SLC25A46: variants seen among roughly 807,000 people sequenced by gnomAD.
SLC25A46 encodes the protein mitochondrial outer membrane protein SLC25A46.
Under a neutral mutation model 44.6 loss-of-function variants are expected in SLC25A46, and 39 were observed. The observed-to-expected ratio is 0.87, with a 90% CI of 0.68 to 1.14. SLC25A46 has a LOEUF of 1.14. Ranked by LOEUF, SLC25A46 falls within the 50% of genes most tolerant of loss-of-function variation. The pLI is 0.00. For missense variants in SLC25A46, 547 were observed against 522.7 expected, an observed-to-expected ratio of 1.05 and a Z score of -0.45; for synonymous variants, 202 against 185.8, an observed-to-expected ratio of 1.09 and a Z score of -0.71.
At chr5:110,754,254 T>A (rs1800046277) in intron 5 of SLC25A46, 1 of 151,580 alleles carries the variant, frequency 6.6e-6, no homozygotes, top group Non-Finnish European at 1.5e-5. Flanking sequence ...TGAGTACCCA[T>A]TCCATCAGAG....
rs1411625237 is a variant in SLC25A46, at chr5:110,761,236, G to A, written c.711G>A (p.Leu237=). ...SEIIRDNTGI[L]ECVKEGIGRV... ...TAATTCGAGATAATACTGGCATTTT[G>A]GAGTGTGTTAAAGAAGGAATTGGAA... Residue 237 remains leucine (L), a synonymous_variant, in exon 8 of 8, where the codon TTG becomes TTA. Transcript: ENST00000355943. The surrounding 1 kb of genome is among the most constrained non-coding windows in gnomAD (Gnocchi z 5.3). 3.7e-6 allele frequency: 6 copies of A among 1,608,482 alleles called. No individual in the cohort carries two copies. Among genetic ancestry groups the A allele is most frequent in the Non-Finnish European group, 4.2e-6 (5 of 1,178,246 alleles).
intron 5 of SLC25A46, among the ~76,000 whole-genome samples, chr5:110,750,208 A>G (rs1799929529): frequency 6.6e-6 from 1 of 151,726 alleles, no homozygotes; most frequent in Non-Finnish European, 1.5e-5. Context: ...AAACAAAACA[A>G]AGATTAGAAA....
At chr5:110,759,514 A>G (rs1461549807) in intron 7 of SLC25A46, among the ~76,000 whole-genome samples, 1 of 152,172 alleles carries the variant, frequency 6.6e-6, no homozygotes, top group African/African-American at 2.4e-5. Context: ...AGCAGGTGCA[A>G]AAACTCTCAA....
Position 110,763,472 on chromosome 5 carries a change from C to T in SLC25A46, c.*1690C>T, listed in dbSNP as rs1031919015. The T allele has an allele frequency of 9.9e-5, 15 of 151,882 alleles. No homozygotes were observed. The highest frequency in any genetic ancestry group is 3.3e-4 in the Admixed American group (5 of 15,202). 9.4% of individuals were successfully genotyped at this position (151,882 alleles called of 1,614,324 possible). On this transcript the variant is annotated 3_prime_UTR_variant, in exon 8 of 8. Coordinates refer to ENST00000355943, the MANE Select transcript of SLC25A46 (RefSeq NM_138773.4). The stretch of plus-strand genomic sequence containing the variant: ...AAATAAAATTAAACACCACTGATCA[C>T]ATTTTATATTTTATGGTGACTATTT...
chr5:110,764,798 A>G lies in SLC25A46; in HGVS notation c.*3016A>G, dbSNP rs962794490. 6.6e-6 allele frequency: 1 copy of G among 151,994 alleles called. No individual in the cohort carries two copies. Among genetic ancestry groups the G allele is most frequent in the Non-Finnish European group, 1.5e-5 (1 of 67,940 alleles). 9.4% of individuals were successfully genotyped at this position (151,994 alleles called of 1,614,324 possible). A position where few individuals can be genotyped will look rare whatever the true frequency, so the allele number is the denominator to read the frequency against. On this transcript the variant is annotated 3_prime_UTR_variant, in exon 8 of 8. Transcript: ENST00000355943. ...CTAATAAGATAGCCAGGTTTGAATT[A>G]TTTGCAAAATTTATATAAGCAAATA...
At chr5:110,746,421 T>C in intron 4 of SLC25A46, 75 bp downstream of exon 4, 1 of 990,954 alleles carries the variant, frequency 1.0e-6, no homozygotes, top group Non-Finnish European at 1.5e-6. Flanking sequence ...AAAGCAAGAA[T>C]AATTACTTTC....
Position 110,761,854 on chromosome 5 carries a change from C to A in SLC25A46, c.*72C>A, listed in dbSNP as rs3844597. ...ATTTGCTATGAAGTTATGAGGGATA[C>A]AAGTGAAATACTGGGGAAGAAAATG... On this transcript the variant is annotated 3_prime_UTR_variant, in exon 8 of 8. Coordinates refer to ENST00000355943, the MANE Select transcript of SLC25A46 (RefSeq NM_138773.4). This position sits in a 1 kb window ranked among gnomAD's most constrained non-coding sequence, Gnocchi z 5.3. 123,871 of 1,231,474 alleles carry A rather than the reference C, an allele frequency of 0.1. 10,425 individuals carry two copies. The highest frequency in any genetic ancestry group is 0.4 in the African/African-American group (26,207 of 66,084). The allele number at this position is 1,231,474 out of a possible 1,614,324, so 76.3% of individuals were successfully genotyped here. A position where few individuals can be genotyped will look rare whatever the true frequency, so the allele number is the denominator to read the frequency against.
chr5:110,747,989 C>G (rs957657295), intron 4 of SLC25A46, among the ~76,000 whole-genome samples, 174 bp from the exon 5 acceptor site: 2 of 152,076 alleles, frequency 1.3e-5, no homozygotes, highest in Admixed American at 1.3e-4. Flanking sequence ...GAATGTTCTT[C>G]TTGGCCTAAG....
Position 110,761,818 on chromosome 5 carries a change from T to TA in SLC25A46, c.*38dup. 1.3e-6 allele frequency: 2 copies of TA among 1,494,550 alleles called. No homozygotes were observed. The highest frequency in any genetic ancestry group is 1.8e-6 in the Non-Finnish European group (2 of 1,105,502). 92.6% of individuals were successfully genotyped at this position (1,494,550 alleles called of 1,614,324 possible). A position where few individuals can be genotyped will look rare whatever the true frequency, so the allele number is the denominator to read the frequency against. The stretch of plus-strand genomic sequence containing the variant: ...CCTTCACTGAGTAGTCTGGAAGATA[T>TA]AATCTGGATAATTTGCTATGAAGTT... On this transcript the variant is annotated 3_prime_UTR_variant, in exon 8 of 8. Coordinates refer to ENST00000355943, the MANE Select transcript of SLC25A46 (RefSeq NM_138773.4). The surrounding 1 kb of genome is among the most constrained non-coding windows in gnomAD (Gnocchi z 5.3).
rs1302528312 is a variant in SLC25A46, at chr5:110,739,308, C to T, written c.189C>T (p.Pro63=). 4 of 1,570,448 alleles carry T rather than the reference C, an allele frequency of 2.5e-6. No individual in the cohort carries two copies. The African/African-American group carries it at 4.0e-5, about 16-fold the overall frequency. ...TGCACTGGGGCGAGAAGAGCCCGCC[C>T]TACGGCGTGCCCACCACCTCCACCC... ...RNLHWGEKSP[P]YGVPTTSTPY... is the part of the protein sequence containing the mutation. The change falls in exon 1 of 8, where the codon CCC becomes CCT. Residue 63 remains proline, a synonymous_variant. Transcript: ENST00000355943.
At position 110,752,868 on chromosome 5, in the gene SLC25A46, C is replaced by T. The variant is rs79692518; in HGVS notation, c.564-2597C>T. Among the ~76,000 whole-genome samples, 777 of 152,114 alleles carry T rather than the reference C, an allele frequency of 5.1e-3. 9 individuals are homozygous for T. The highest frequency in any genetic ancestry group is 0.018 in the African/African-American group (730 of 41,504). On this transcript the variant is annotated intron_variant, in intron 5 of 7. Coordinates refer to ENST00000355943, the MANE Select transcript of SLC25A46 (RefSeq NM_138773.4). ...TTGAAGCTCTAACCCTAGATATGAG[C>T]GTCGCTAGGGAAGAAGGATACACTA...
rs116007726 is a variant in SLC25A46 at position 110,757,656 on chromosome 5, C to A, written c.678+897C>A. Among the ~76,000 whole-genome samples the A allele has an allele frequency of 3.0e-3, 452 of 152,032 alleles. 3 individuals are homozygous for A. Among genetic ancestry groups the A allele is most frequent in the African/African-American group, 0.01 (433 of 41,470 alleles). Reference sequence around the variant, plus strand: ...TAACTGAAGTTAGTGTCTTGCGACCCAAATCATACTTTCCCTTCCCCTTGC... The same window carrying A: ...TAACTGAAGTTAGTGTCTTGCGACCAAAATCATACTTTCCCTTCCCCTTGC... On this transcript the variant is annotated intron_variant, in intron 7 of 7. Coordinates refer to ENST00000355943, the MANE Select transcript of SLC25A46 (RefSeq NM_138773.4).
chr5:110,753,590 G>A (rs1001447591), intron 5 of SLC25A46: 2 of 152,058 alleles, frequency 1.3e-5, no homozygotes, highest in Non-Finnish European at 2.9e-5. Flanking sequence ...AAAAGGTTTA[G>A]TGACTGAAGC....
At chr5:110,739,547 C>T in intron 1 of SLC25A46, 145 bp downstream of exon 1, 13 of 1,152,504 alleles carry the variant, frequency 1.1e-5, no homozygotes, top group Non-Finnish European at 1.4e-5. Flanking sequence ...CTCCTTTGGT[C>T]CTCTGCCCCT....
At position 110,749,396 on chromosome 5, in the gene SLC25A46, G is replaced by A. The variant is rs1218836126; in HGVS notation, c.563+1133G>A. Among the ~76,000 whole-genome samples, 3 of 151,880 alleles carry A rather than the reference G, an allele frequency of 2.0e-5. No individual in the cohort carries two copies. The East Asian group carries it at 5.8e-4, about 29-fold the overall frequency. On this transcript the variant is annotated intron_variant, in intron 5 of 7. Transcript: ENST00000355943. Reference sequence around the variant, plus strand: ...TGGGTATTGTGGCATAAAAGTAGCAGCTGAAGCTTAGGATAGATGAAATCA... The same window carrying A: ...TGGGTATTGTGGCATAAAAGTAGCAACTGAAGCTTAGGATAGATGAAATCA...
chr5:110,749,215 T>C (rs182856592), intron 5 of SLC25A46, among the ~76,000 whole-genome samples: 2 of 151,858 alleles, frequency 1.3e-5, no homozygotes, highest in African/African-American at 2.4e-5. Context: ...GAAGAAAAAG[T>C]TGGAGTAGGG....
upstream of SLC25A46, chr5:110,738,206 G>A: frequency 2.3e-6 from 3 of 1,286,806 alleles, no homozygotes; most frequent in Non-Finnish European, 3.0e-6. Context: ...CAGATCTGGG[G>A]AGGGAGCCTG....
At chr5:110,755,836 G>A (rs1250849055) in intron 6 of SLC25A46, among the ~76,000 whole-genome samples, 3 of 152,076 alleles carry the variant, frequency 2.0e-5, no homozygotes, top group South Asian at 2.1e-4. Context: ...CTATTTTATT[G>A]TTAATCAGAG....
intron 1 of SLC25A46, among the ~76,000 whole-genome samples, chr5:110,741,071 A>C (rs963226323): frequency 1.3e-5 from 2 of 152,242 alleles, no homozygotes; most frequent in African/African-American, 2.4e-5. Context: ...GAACATGCTT[A>C]GGTGGCCTTG....
Sources: gnomAD v4.1 joint callset for allele counts (sites outside exome capture counted in the v4.1 genomes callset) on GRCh38, gnomAD v4.1.1 for gene constraint, Gnocchi (gnomAD v3.1) non-coding constraint, MANE v1.5 for transcripts, NCBI Gene and HGNC (gene_info 2026-07-23, HGNC 2026-07-21) for gene names.